Variants in CALM2 observed in about 807,000 individuals in gnomAD.
CALM2 encodes calmodulin-2.
Under a neutral mutation model 19.8 loss-of-function variants are expected in CALM2, and 2 were observed. The observed-to-expected ratio is 0.10, with a 90% CI of 0.04 to 0.32. The LOEUF is 0.32. CALM2 is among the 10% of genes least tolerant of loss of function. CALM2 has a pLI of 1.00. For synonymous variants in CALM2, 51 were observed against 52.1 expected, an observed-to-expected ratio of 0.98 and a Z score of 0.09; for missense variants, 38 against 178.7, an observed-to-expected ratio of 0.21 and a Z score of 4.49.
chr2:47,167,590 A>T (rs1351107802), intron 2 of CALM2: 2 of 157,240 alleles, frequency 1.3e-5, no homozygotes, highest in Non-Finnish European at 2.8e-5. Flanking sequence ...GCTACTTGGG[A>T]GACTGAGCCA....
At chr2:47,164,212 TG>T (rs1289661301) in intron 2 of CALM2, among the ~76,000 whole-genome samples, 3 of 134,954 alleles carry the variant, frequency 2.2e-5, no homozygotes, top group Non-Finnish European at 4.6e-5. Context: ...CACTCCAGCC[TG>T]GGCGACAGAG....
intron 1 of CALM2, 174 bp downstream of exon 1, chr2:47,176,267 G>T (rs1319747175): frequency 1.4e-5 from 10 of 700,228 alleles, no homozygotes; most frequent in Non-Finnish European, 2.4e-5. Context: ...GAATGGGGGT[G>T]GGGGAGCACC....
intron 5 of CALM2, 121 bp downstream of exon 5, chr2:47,161,602 G>A (rs1055668652): frequency 4.9e-6 from 4 of 819,042 alleles, no homozygotes; most frequent in Admixed American, 2.8e-5. Context: ...TTAAATGTAA[G>A]TAACTGTTTT....
rs563702873 is a variant in CALM2, at chr2:47,175,081, G to GTTTTTTTTT, written c.3+1351_3+1359dup. The stretch of plus-strand genomic sequence containing the variant: ...TCACAGATCACCGCCCTCATTAGGT[G>GTTTTTTTTT]TTTTTTTTTTTTTTTTTCAGGAAAG... On this transcript the variant is annotated intron_variant, in intron 1 of 5. Transcript: ENST00000272298. Among the ~76,000 whole-genome samples, 383 of 77,664 alleles carry GTTTTTTTTT rather than the reference G, an allele frequency of 4.9e-3. 21 individuals carry two copies. The highest frequency in any genetic ancestry group is 0.01 in the African/African-American group (113 of 10,876). 51.0% of individuals were successfully genotyped at this position (77,664 alleles called of 152,430 possible). A position where few individuals can be genotyped will look rare whatever the true frequency, so the allele number is the denominator to read the frequency against.
At position 47,170,813 on chromosome 2, in the gene CALM2, T is replaced by C. The variant is rs754227888; in HGVS notation, c.4-49A>G. 1.3e-6 allele frequency: 2 copies of C among 1,499,912 alleles called. 1 individual carries two copies. Among genetic ancestry groups the C allele is most frequent in the East Asian group, 4.5e-5 (2 of 44,302 alleles). 92.9% of individuals were successfully genotyped at this position (1,499,912 alleles called of 1,614,324 possible). A position where few individuals can be genotyped will look rare whatever the true frequency, so the allele number is the denominator to read the frequency against. ...GTTAGTGACTTGAGAGTATGTAGAT[T>C]AGCAGTTACAGAAACAAGTTTAAAA... is the stretch of plus-strand genomic sequence containing the variant. On this transcript the variant is annotated intron_variant, in intron 1 of 5. Coordinates refer to ENST00000272298, the MANE Select transcript of CALM2 (RefSeq NM_001743.6).
At chr2:47,170,697 G>C (rs1443121965) in intron 2 of CALM2, 37 bp downstream of exon 2, 1 of 1,548,194 alleles carries the variant, frequency 6.5e-7, no homozygotes, top group Non-Finnish European at 8.9e-7. Context: ...TTTATAATAA[G>C]AATCTAATGG....
chr2:47,176,748 G>A (rs1666887297), upstream of CALM2: 4 of 1,370,142 alleles, frequency 2.9e-6, no homozygotes, highest in Admixed American at 3.1e-5. Context: ...GGCCGGTGGA[G>A]CGGCCCCTGA....
At chr2:47,174,372 C>G (rs1049577725) in intron 1 of CALM2, among the ~76,000 whole-genome samples, 1 of 152,052 alleles carries the variant, frequency 6.6e-6, no homozygotes, top group Admixed American at 6.5e-5. Context: ...CCTGCCTCAG[C>G]CCATTGACTA....
At position 47,167,814 on chromosome 2, in the gene CALM2, C is replaced by CCTTTTTTTTTTTTTTTTT. The variant is rs775532408; in HGVS notation, c.34+2919_34+2920insAAAAAAAAAAAAAAAAAG. 47 of 96,480 alleles carry CCTTTTTTTTTTTTTTTTT rather than the reference C, an allele frequency of 4.9e-4. 6 individuals carry two copies. Among genetic ancestry groups the CCTTTTTTTTTTTTTTTTT allele is most frequent in the African/African-American group, 2.6e-3 (46 of 17,918 alleles). 6.0% of individuals were successfully genotyped at this position (96,480 alleles called of 1,614,324 possible). ...AAAAAAAAAAATTTTTTTTTCTTTTCTTTGAGACAGGGTCTTGCTGTGTTG... is the reference window on the plus strand; with the variant it reads ...AAAAAAAAAAATTTTTTTTTCTTTTCCTTTTTTTTTTTTTTTTTTTTGAGACAGGGTCTTGCTGTGTTG... On this transcript the variant is annotated intron_variant, in intron 2 of 5. Coordinates refer to ENST00000272298, the MANE Select transcript of CALM2 (RefSeq NM_001743.6).
chr2:47,161,270 A>G (rs1687144786), intron 5 of CALM2, among the ~76,000 whole-genome samples: 1 of 152,212 alleles, frequency 6.6e-6, no homozygotes, highest in Non-Finnish European at 1.5e-5. Flanking sequence ...AAGTTAGTAG[A>G]TACGATACTT....
At chr2:47,167,950 C>A (rs1325423131) in intron 2 of CALM2, among the ~76,000 whole-genome samples, 7 of 151,212 alleles carry the variant, frequency 4.6e-5, no homozygotes. Context: ...TTACAATTTA[C>A]CAGATTAAAA....
intron 2 of CALM2, among the ~76,000 whole-genome samples, chr2:47,165,665 ACTTCAT>A (rs1389364677): frequency 6.6e-6 from 1 of 152,078 alleles, no homozygotes; most frequent in Non-Finnish European, 1.5e-5. Flanking sequence ...CTCCTTGGCC[ACTTCAT>A]CTATACCCAC....
At chr2:47,174,589 G>A (rs1420662674) in intron 1 of CALM2, among the ~76,000 whole-genome samples, 1 of 151,202 alleles carries the variant, frequency 6.6e-6, no homozygotes, top group East Asian at 1.9e-4. Context: ...CAATTTAACA[G>A]AAAACCCCCA....
At position 47,164,906 on chromosome 2, in the gene CALM2, T is replaced by C. The variant is rs1396705315; in HGVS notation, c.35-2244A>G. Among the ~76,000 whole-genome samples, 2 of 152,330 alleles carry C rather than the reference T, an allele frequency of 1.3e-5. 1 individual carries two copies. The highest frequency in any genetic ancestry group is 4.1e-4 in the South Asian group (2 of 4,830). ...AATTCGCGTACACCTTCCAGTTTCA[T>C]TCCGTATTACCTCTTCCCTGGACTC... On this transcript the variant is annotated intron_variant, in intron 2 of 5. Transcript: ENST00000272298.
intron 2 of CALM2, chr2:47,163,415 A>G (rs1029109346): frequency 6.6e-6 from 1 of 151,688 alleles, no homozygotes; most frequent in African/African-American, 2.4e-5. Flanking sequence ...TCTTGTTGTG[A>G]TAGTATGTTC....
chr2:47,168,655 G>A (rs888668552), intron 2 of CALM2, among the ~76,000 whole-genome samples: 10 of 152,046 alleles, frequency 6.6e-5, no homozygotes, highest in Non-Finnish European at 1.3e-4. Flanking sequence ...GCTTGAACCC[G>A]GGAGACAGAA....
chr2:47,171,094 C>A (rs1666651241), intron 1 of CALM2: 1 of 213,424 alleles, frequency 4.7e-6, no homozygotes, highest in Non-Finnish European at 9.4e-6. Flanking sequence ...GAAATTCCCA[C>A]TGAATCAAAA....
intron 2 of CALM2, 144 bp downstream of exon 2, chr2:47,170,590 A>T: frequency 1.5e-6 from 1 of 689,616 alleles, no homozygotes; most frequent in East Asian, 2.6e-5. Flanking sequence ...AGCAGGTTGA[A>T]TTACTGTATT....
chr2:47,168,301 T>C (rs905648085), intron 2 of CALM2, among the ~76,000 whole-genome samples: 1 of 152,138 alleles, frequency 6.6e-6, no homozygotes, highest in African/African-American at 2.4e-5. Context: ...GAAGAGAACC[T>C]AAGAACAGAT....
Sources: gnomAD v4.1 joint callset for allele counts (sites outside exome capture counted in the v4.1 genomes callset) on GRCh38, gnomAD v4.1.1 for gene constraint, MANE v1.5 for transcripts, NCBI Gene and HGNC (gene_info 2026-07-23, HGNC 2026-07-21) for gene names.